TNFSF18: variants seen among roughly 807,000 people sequenced by gnomAD.
TNFSF18 encodes the protein tumor necrosis factor ligand superfamily member 18.
In TNFSF18, 6 loss-of-function variants were observed where a neutral mutation model predicts 9.6. The observed-to-expected ratio is 0.63, with a 90% CI of 0.34 to 1.24. The LOEUF (loss-of-function observed/expected upper bound fraction) is 1.24. TNFSF18 is among the 50% of genes most tolerant of loss of function. The pLI is 0.03. For synonymous variants in TNFSF18, 68 were observed against 71.7 expected (o/e 0.95, Z 0.26); for missense variants, 210 against 201.0 (o/e 1.04, Z -0.27).
chr1:173,041,680 G>A lies in TNFSF18; in HGVS notation c.221C>T (p.Ser74Phe), dbSNP rs762231520. Reference protein sequence around the residue: ...PLPSKWQMASSEPPCVNKVSD... With the variant: ...PLPSKWQMASFEPPCVNKVSD... The stretch of plus-strand genomic sequence containing the variant: ...CACCTTATTCACGCAAGGAGGTTCA[G>A]AAGATGCCATTTGCCATTTTGAGGG... The change falls in exon 3 of 3, where the codon TCT (serine) becomes TTT (phenylalanine). Residue 74 changes from serine (S) to phenylalanine (F), a missense_variant. Coordinates refer to ENST00000404377, the MANE Select transcript of TNFSF18 (RefSeq NM_005092.4). The A allele has an allele frequency of 6.8e-6, 11 of 1,607,746 alleles. No individual in the cohort carries two copies. Among genetic ancestry groups the A allele is most frequent in the Non-Finnish European group, 9.3e-6 (11 of 1,176,760 alleles).
chr1:173,043,684 C>G (rs1037293687), intron 2 of TNFSF18, among the ~76,000 whole-genome samples: 1 of 152,130 alleles, frequency 6.6e-6, no homozygotes, highest in African/African-American at 2.4e-5. Flanking sequence ...GATTCATAGG[C>G]CAGTAAGAGA....
At chr1:173,047,898 T>C (rs1242126598) in intron 1 of TNFSF18, among the ~76,000 whole-genome samples, 1 of 152,146 alleles carries the variant, frequency 6.6e-6, no homozygotes, top group Non-Finnish European at 1.5e-5. Flanking sequence ...GAGAGTGATA[T>C]AGGTAGGCAA....
chr1:173,047,113 C>T (rs1038821057), intron 1 of TNFSF18, among the ~76,000 whole-genome samples: 5 of 152,052 alleles, frequency 3.3e-5, no homozygotes, highest in Admixed American at 1.3e-4. Flanking sequence ...CCAGGCTGGT[C>T]TCAAACTCTT....
chr1:173,045,244 G>A (rs1273953915), intron 1 of TNFSF18, among the ~76,000 whole-genome samples: 1 of 149,108 alleles, frequency 6.7e-6, no homozygotes, highest in African/African-American at 2.5e-5. Context: ...GAACACTGGG[G>A]CGTTGTGATG....
intron 1 of TNFSF18, 40 bp downstream of exon 1, chr1:173,050,701 T>C (rs1557846663): frequency 3.0e-6 from 4 of 1,342,800 alleles, no homozygotes; most frequent in East Asian, 4.9e-5. Context: ...AAATAGAGGA[T>C]TATAGCAAAT....
chr1:173,041,502 G>C lies in TNFSF18; in HGVS notation c.399C>G (p.Ile133Met). Residue 133 changes from isoleucine (I) to methionine (M), a missense_variant, in exon 3 of 3, where the codon ATC (isoleucine) becomes ATG (methionine). Transcript: ENST00000404377. The part of the protein sequence containing the change: ...MIQTLTNKSK[I>M]QNVGGTYELH... ...ATTCATAAGTCCCTCCTACATTTTG[G>C]ATTTTAGATTTGTTTGTTAGAGTTT... The C allele has an allele frequency of 1.2e-6, 2 of 1,613,478 alleles. No homozygotes were observed. Among genetic ancestry groups the C allele is most frequent in the African/African-American group, 1.3e-5 (1 of 74,998 alleles).
At chr1:173,043,822 T>C (rs1665030074) in intron 2 of TNFSF18, 117 bp downstream of exon 2, 1 of 997,280 alleles carries the variant, frequency 1.0e-6, no homozygotes, top group Non-Finnish European at 1.6e-6. Context: ...TAAGTAATTA[T>C]ACATAGTAGC....
chr1:173,047,872 T>C (rs1665108132), intron 1 of TNFSF18, among the ~76,000 whole-genome samples: 8 of 152,162 alleles, frequency 5.3e-5, no homozygotes, highest in Admixed American at 5.2e-4. Context: ...GGCTCTGAGA[T>C]ATAGTGTTTG....
chr1:173,047,777 A>G (rs1256343057), intron 1 of TNFSF18, among the ~76,000 whole-genome samples: 3 of 152,116 alleles, frequency 2.0e-5, no homozygotes, highest in Non-Finnish European at 4.4e-5. Context: ...CTTTATGTCT[A>G]TTTAGCGCTA....
rs555505527 is a variant in TNFSF18, at chr1:173,042,432, C to A, written c.188-719G>T. ...TACTTCCATGTTCCTGAATTAGGTG[C>A]TTTGTGTCTAAATTATGGCTGTTCT... On this transcript the variant is annotated intron_variant, in intron 2 of 2. Coordinates refer to ENST00000404377, the MANE Select transcript of TNFSF18 (RefSeq NM_005092.4). Among the ~76,000 whole-genome samples the A allele has an allele frequency of 2.3e-4, 35 of 152,082 alleles. 1 individual carries two copies. The highest frequency in any genetic ancestry group is 8.0e-4 in the African/African-American group (33 of 41,504).
intron 2 of TNFSF18, among the ~76,000 whole-genome samples, chr1:173,042,629 C>T (rs1244180232): frequency 6.6e-6 from 1 of 152,032 alleles, no homozygotes; most frequent in Non-Finnish European, 1.5e-5. Flanking sequence ...AGGTAAAGAC[C>T]TAATCATTCA....
rs1261466804 is a variant in TNFSF18, at chr1:173,045,049, CA to C, written c.157-1081del. 3.3e-5 allele frequency among the ~76,000 whole-genome samples: 5 copies of C among 152,212 alleles called. No individual in the cohort carries two copies. The East Asian group carries it at 7.7e-4, about 23-fold the overall frequency. On this transcript the variant is annotated intron_variant, in intron 1 of 2. Coordinates refer to ENST00000404377, the MANE Select transcript of TNFSF18 (RefSeq NM_005092.4). The stretch of plus-strand genomic sequence containing the variant: ...TAAGAGGAATAAATGGGGAGGGGAA[CA>C]ATGATGAGTTTGGTTGTGGACATAT...
intron 1 of TNFSF18, among the ~76,000 whole-genome samples, chr1:173,044,650 T>C (rs1665050281): frequency 6.6e-6 from 1 of 152,222 alleles, no homozygotes; most frequent in Non-Finnish European, 1.5e-5. Context: ...AAACATTTTT[T>C]GTATCACCCA....
At position 173,050,924 on chromosome 1, in the gene TNFSF18, C is replaced by CAAAA; in HGVS notation, c.-32_-29dup. The CAAAA allele has an allele frequency of 1.2e-6, 2 of 1,613,510 alleles. No homozygotes were observed. Among genetic ancestry groups the CAAAA allele is most frequent in the Non-Finnish European group, 1.7e-6 (2 of 1,179,706 alleles). On this transcript the variant is annotated 5_prime_UTR_variant, in exon 1 of 3. Coordinates refer to ENST00000404377, the MANE Select transcript of TNFSF18 (RefSeq NM_005092.4). ...TTGGAGAAATGAGAGCTGTGGAAAA[C>CAAAA]AAAAATTCACAAGTGATGGGTGAAG...
At chr1:173,049,952 A>G (rs1186281251) in intron 1 of TNFSF18, among the ~76,000 whole-genome samples, 2 of 152,126 alleles carry the variant, frequency 1.3e-5, no homozygotes, top group African/African-American at 4.8e-5. Context: ...CTGCATCTCA[A>G]TGGGAAATTC....
intron 1 of TNFSF18, among the ~76,000 whole-genome samples, chr1:173,046,907 T>G (rs568913069): frequency 1.1e-4 from 16 of 151,942 alleles, no homozygotes; most frequent in Non-Finnish European, 1.5e-4. Context: ...TGTTGTTGTT[T>G]TTTGAGACAG....
At position 173,039,401 on chromosome 1, in the gene TNFSF18, A is replaced by G. The variant is rs528675230; in HGVS notation, c.*1966T>C. Among the ~76,000 whole-genome samples the G allele has an allele frequency of 2.3e-4, 35 of 152,258 alleles. 1 individual carries two copies. The South Asian group carries it at 7.3e-3, about 32-fold the overall frequency. ...GAAATCACCAGTATGCCAAATTTTT[A>G]CAATTTCATTTTCTCCCTTAGTCTG... On this transcript the variant is annotated 3_prime_UTR_variant, in exon 3 of 3. Transcript: ENST00000404377.
intron 2 of TNFSF18, 30 bp downstream of exon 2, chr1:173,043,909 A>T (rs1665031196): frequency 1.2e-6 from 2 of 1,601,472 alleles, no homozygotes; most frequent in African/African-American, 2.7e-5. Context: ...AACTAAGAAA[A>T]GTAAAAGACA....
In TNFSF18 at chr1:173,039,914, T is replaced by C. The variant is rs966220097; in HGVS notation, c.*1453A>G. ...CTTGGCCTCAGGCTTAGCATGCTCCTGAGCAATTTTTGTTAAACAAAATAC... is the reference window on the plus strand; with the variant it reads ...CTTGGCCTCAGGCTTAGCATGCTCCCGAGCAATTTTTGTTAAACAAAATAC... On this transcript the variant is annotated 3_prime_UTR_variant, in exon 3 of 3. Coordinates refer to ENST00000404377, the MANE Select transcript of TNFSF18 (RefSeq NM_005092.4). 3 of 150,532 alleles carry C rather than the reference T, an allele frequency of 2.0e-5. No homozygotes were observed. The highest frequency in any genetic ancestry group is 4.8e-5 in the African/African-American group (2 of 41,274). 9.3% of individuals were successfully genotyped at this position (150,532 alleles called of 1,614,324 possible).
Sources: allele counts gnomAD v4.1 joint callset (sites outside exome capture counted in the v4.1 genomes callset), GRCh38; gene constraint gnomAD v4.1.1; transcripts MANE v1.5; gene names NCBI Gene and HGNC (gene_info 2026-07-23, HGNC 2026-07-21).